The following AGBL1 variants were observed in gnomAD, a reference collection of about 807,000 sequenced individuals.
AGBL1 encodes the protein AGBL carboxypeptidase 1, also known as cytosolic carboxypeptidase 4.
In AGBL1, 130 loss-of-function variants were observed where a neutral mutation model predicts 118.9. The observed-to-expected ratio is 1.09, with a 90% CI of 0.95 to 1.26. AGBL1 has a LOEUF of 1.26. Ranked by LOEUF, AGBL1 falls within the 50% of genes most tolerant of loss-of-function variation. AGBL1 has a pLI of 0.00. For missense variants in AGBL1, 1,584 were observed against 1,298.1 expected (o/e 1.22, Z -3.38); for synonymous variants, 555 against 478.9 (o/e 1.16, Z -2.08).
At chr15:86,329,778 C>G (rs750230090) in intron 17 of AGBL1, among the ~76,000 whole-genome samples, 7 of 152,146 alleles carry the variant, frequency 4.6e-5, no homozygotes, top group Non-Finnish European at 8.8e-5. Flanking sequence ...TGCTTCATGC[C>G]CAGGCAGATC....
chr15:86,812,271 T>C (rs1047524664), intron 22 of AGBL1, among the ~76,000 whole-genome samples: 3 of 152,218 alleles, frequency 2.0e-5, no homozygotes, highest in Non-Finnish European at 2.9e-5. Flanking sequence ...TATAAAACAT[T>C]ATACTGTCTC....
chr15:86,716,171 C>A lies in AGBL1; in HGVS notation c.3158+41735C>A, dbSNP rs140459995. ...TTAAAGTGTGCTAGGGATTTCTCCTCCATTCCTGGAATCTCTCTACCATTC... is the reference window on the plus strand; with the variant it reads ...TTAAAGTGTGCTAGGGATTTCTCCTACATTCCTGGAATCTCTCTACCATTC... On this transcript the variant is annotated intron_variant, in intron 22 of 22. Transcript: ENST00000614907. Among the ~76,000 whole-genome samples the A allele has an allele frequency of 3.4e-3, 516 of 152,314 alleles. 3 individuals carry two copies. The highest frequency in any genetic ancestry group is 0.012 in the African/African-American group (487 of 41,564).
intron 22 of AGBL1, among the ~76,000 whole-genome samples, chr15:86,872,059 T>G (rs1012307285): frequency 6.6e-6 from 1 of 152,178 alleles, no homozygotes; most frequent in African/African-American, 2.4e-5. Flanking sequence ...TTTCACAAAT[T>G]CCTATCGATC....
intron 5 of AGBL1, among the ~76,000 whole-genome samples, chr15:86,218,909 G>C (rs184184210): frequency 6.6e-6 from 1 of 152,350 alleles, no homozygotes; most frequent in Admixed American, 6.5e-5. Flanking sequence ...TTGCAGCCTT[G>C]TCAGACCGTA....
At chr15:86,758,966 C>CAA (rs80297816) in intron 22 of AGBL1, among the ~76,000 whole-genome samples, 20 of 80,856 alleles carry the variant, frequency 2.5e-4, no homozygotes, top group Non-Finnish European at 2.3e-4. Context: ...GACACCCTGT[C>CAA]AAAAAAAAAA....
At chr15:86,435,221 A>G (rs1416497051) in intron 18 of AGBL1, among the ~76,000 whole-genome samples, 1 of 152,178 alleles carries the variant, frequency 6.6e-6, no homozygotes, top group African/African-American at 2.4e-5. Flanking sequence ...TGCATATTAA[A>G]TTTTCTGTCC....
At chr15:86,125,989 G>T (rs12594338) in intron 1 of AGBL1, among the ~76,000 whole-genome samples, 10,129 of 152,096 alleles carry the variant, frequency 0.067, 502 homozygotes, top group East Asian at 0.22. Context: ...TATGACCTAT[G>T]AAAATTGTGA....
chr15:87,015,297 T>A (rs1420770807), intron 24 of AGBL1, among the ~76,000 whole-genome samples: 3 of 152,160 alleles, frequency 2.0e-5, no homozygotes, highest in African/African-American at 7.2e-5. Context: ...ATAATACTTA[T>A]CAGCCTCCAT....
intron 18 of AGBL1, among the ~76,000 whole-genome samples, chr15:86,437,890 CT>C (rs1298482033): frequency 6.6e-6 from 1 of 151,778 alleles, no homozygotes; most frequent in Non-Finnish European, 1.5e-5. Context: ...CCTCAGTTTT[CT>C]TTTTTTTCCC....
At chr15:86,551,695 A>G (rs899942736) in intron 20 of AGBL1, among the ~76,000 whole-genome samples, 1 of 152,186 alleles carries the variant, frequency 6.6e-6, no homozygotes, top group Non-Finnish European at 1.5e-5. Flanking sequence ...TTGCCAACTC[A>G]TTTTATGAGG....
intron 22 of AGBL1, among the ~76,000 whole-genome samples, chr15:86,895,642 ATTTG>A (rs72039871): frequency 0.082 from 12,399 of 151,874 alleles, 1,031 homozygotes; most frequent in African/African-American, 0.21. Context: ...ATTTTTATTT[ATTTG>A]TTTGTTTTTG....
chr15:87,022,271 C>G (rs539481506), intron 24 of AGBL1, among the ~76,000 whole-genome samples: 1 of 152,128 alleles, frequency 6.6e-6, no homozygotes, highest in South Asian at 2.1e-4. Context: ...TAACACCCCC[C>G]AAAAATCACA....
intron 22 of AGBL1, among the ~76,000 whole-genome samples, chr15:86,692,435 T>C (rs2086189053): frequency 6.6e-6 from 1 of 152,018 alleles, no homozygotes; most frequent in South Asian, 2.1e-4. Flanking sequence ...TGGCGAAGAA[T>C]TGCCCTCACC....
At chr15:86,805,268 G>A (rs1263932440) in intron 22 of AGBL1, among the ~76,000 whole-genome samples, 1 of 151,970 alleles carries the variant, frequency 6.6e-6, no homozygotes, top group African/African-American at 2.4e-5. Flanking sequence ...AGAGGCCGAA[G>A]TTTTTTATTA....
intron 19 of AGBL1, among the ~76,000 whole-genome samples, chr15:86,537,545 C>T (rs569975748): frequency 1.3e-3 from 191 of 152,330 alleles, no homozygotes; most frequent in Non-Finnish European, 2.4e-3. Flanking sequence ...GCTTACCACT[C>T]ATGGAGGGAT....
At chr15:86,746,188 C>T (rs1261145624) in intron 22 of AGBL1, among the ~76,000 whole-genome samples, 1 of 152,104 alleles carries the variant, frequency 6.6e-6, no homozygotes, top group Non-Finnish European at 1.5e-5. Flanking sequence ...CTCTTATTGA[C>T]AAGATGAAGT....
chr15:86,452,710 T>G (rs2142072185), intron 18 of AGBL1, among the ~76,000 whole-genome samples: 1 of 152,200 alleles, frequency 6.6e-6, no homozygotes, highest in Middle Eastern at 3.4e-3. Flanking sequence ...TGAAACAAAA[T>G]ATTCCCTAAG....
At chr15:86,463,309 G>A (rs1271502639) in intron 18 of AGBL1, among the ~76,000 whole-genome samples, 1 of 145,292 alleles carries the variant, frequency 6.9e-6, no homozygotes, top group South Asian at 2.3e-4. Flanking sequence ...TTGTAAATTT[G>A]TTTAAGTTCC....
In AGBL1 at chr15:86,342,480, A is replaced by T. The variant is rs573556616; in HGVS notation, c.2374+47072A>T. Among the ~76,000 whole-genome samples the T allele has an allele frequency of 4.6e-4, 70 of 152,144 alleles. No individual in the cohort carries two copies. In the South Asian group the frequency reaches 0.014, roughly 29 times the overall value. ...TAGAGGATAGTAATAAAGATTAAAT[A>T]TTTTTTTTATTAGATTATATTATTC... On this transcript the variant is annotated intron_variant, in intron 17 of 22. Transcript: ENST00000614907.
Sources: allele counts gnomAD v4.1 joint callset (sites outside exome capture counted in the v4.1 genomes callset), GRCh38; gene constraint gnomAD v4.1.1; transcripts MANE v1.5; gene names NCBI Gene and HGNC (gene_info 2026-07-23, HGNC 2026-07-21).